CEP128: variants seen among roughly 807,000 people sequenced by gnomAD.
The protein encoded by CEP128 is centrosomal protein 128kDa.
A neutral mutation model predicts 156.7 loss-of-function variants in CEP128; 132 were observed. The observed-to-expected ratio is 0.84, with a 90% CI of 0.73 to 0.97. CEP128 has a LOEUF of 0.97. Among genes scored for constraint, CEP128 ranks in the 50% least tolerant of loss-of-function variants. The probability of loss-of-function intolerance (pLI) is 0.00; values close to 1 mark genes in which losing one functional copy is unlikely to be tolerated. For missense variants in CEP128, 1,252 were observed against 1,281.9 expected, an observed-to-expected ratio of 0.98 and a Z score of 0.36; for synonymous variants, 469 against 448.9, an observed-to-expected ratio of 1.04 and a Z score of -0.57.
At chr14:80,627,054 C>T (rs150668585) in intron 19 of CEP128, among the ~76,000 whole-genome samples, 9 of 152,218 alleles carry the variant, frequency 5.9e-5, no homozygotes, top group African/African-American at 2.2e-4. Flanking sequence ...CTTATTAGAC[C>T]CACAGCATAT....
chr14:80,870,427 A>G (rs531042004), intron 8 of CEP128, among the ~76,000 whole-genome samples: 2 of 152,130 alleles, frequency 1.3e-5, no homozygotes, highest in Non-Finnish European at 2.9e-5. Context: ...ATTTATCCCC[A>G]GAATACAAAG....
At chr14:80,768,612 C>T (rs1325832790) in intron 16 of CEP128, among the ~76,000 whole-genome samples, 2 of 152,116 alleles carry the variant, frequency 1.3e-5, no homozygotes, top group African/African-American at 4.8e-5. Flanking sequence ...CTTAGTAAAA[C>T]AATGGAGCTA....
chr14:80,815,940 A>G (rs1884828109), intron 13 of CEP128, among the ~76,000 whole-genome samples: 2 of 152,094 alleles, frequency 1.3e-5, no homozygotes. Context: ...AATAATAGAT[A>G]CTGGAGACCC....
chr14:80,660,036 G>C (rs1269731743), intron 19 of CEP128, among the ~76,000 whole-genome samples: 1 of 152,128 alleles, frequency 6.6e-6, no homozygotes, highest in Non-Finnish European at 1.5e-5. Context: ...TTGCAGATCT[G>C]ATGGCATGTG....
At chr14:80,628,136 C>A (rs1893809440) in intron 19 of CEP128, among the ~76,000 whole-genome samples, 1 of 152,128 alleles carries the variant, frequency 6.6e-6, no homozygotes, top group Non-Finnish European at 1.5e-5. Flanking sequence ...AAACTAACCT[C>A]CAAAGGGAAA....
At position 80,672,200 on chromosome 14, in the gene CEP128, G is replaced by C. The variant is rs531904423; in HGVS notation, c.2806+70875C>G. Among the ~76,000 whole-genome samples, 121 of 151,902 alleles carry C rather than the reference G, an allele frequency of 8.0e-4. 1 individual carries two copies. The highest frequency in any genetic ancestry group is 2.8e-3 in the African/African-American group (116 of 41,436). On this transcript the variant is annotated intron_variant, in intron 19 of 24. Transcript: ENST00000555265. The stretch of plus-strand genomic sequence containing the variant: ...ACAAATAAAAAAACTCAAGCAAGCT[G>C]GGCAAAAATATTTTTAGAAAGTCTT...
chr14:80,492,704 C>T (rs1887365275), downstream of CEP128, among the ~76,000 whole-genome samples: 1 of 152,018 alleles, frequency 6.6e-6, no homozygotes, highest in Non-Finnish European at 1.5e-5. Flanking sequence ...TTCACAAGTA[C>T]ACCAGACTCT....
intron 13 of CEP128, among the ~76,000 whole-genome samples, chr14:80,797,680 C>T (rs1883570316): frequency 6.6e-6 from 1 of 152,090 alleles, no homozygotes; most frequent in African/African-American, 2.4e-5. Context: ...GACTATACTA[C>T]AGAACCCTCA....
intron 23 of CEP128, among the ~76,000 whole-genome samples, chr14:80,523,281 C>A (rs769705913): frequency 1.3e-5 from 2 of 152,214 alleles, no homozygotes; most frequent in African/African-American, 4.8e-5. Flanking sequence ...CTCTCCCAAA[C>A]TGAGATGTGG....
At chr14:80,775,395 C>A (rs573252621) in intron 16 of CEP128, among the ~76,000 whole-genome samples, 1 of 152,206 alleles carries the variant, frequency 6.6e-6, no homozygotes, top group African/African-American at 2.4e-5. Flanking sequence ...CTAAGTTAAC[C>A]TAAAGTACAT....
intron 19 of CEP128, among the ~76,000 whole-genome samples, chr14:80,711,552 G>A (rs1268856240): frequency 2.6e-5 from 4 of 152,110 alleles, no homozygotes; most frequent in Non-Finnish European, 4.4e-5. Flanking sequence ...CTGGTTACCA[G>A]AGGCTGGAAA....
rs1190385977 is a variant in CEP128 at position 80,897,161 on chromosome 14, A to G, written c.573-1371T>C. On this transcript the variant is annotated intron_variant, in intron 7 of 24. Coordinates refer to ENST00000555265, the MANE Select transcript of CEP128 (RefSeq NM_152446.5). Reference sequence around the variant, plus strand: ...AGAATAATAAAAATGAGCAAACTGCAAGAACCTGACACAACACCCATAAAT... The same window carrying G: ...AGAATAATAAAAATGAGCAAACTGCGAGAACCTGACACAACACCCATAAAT... 5.3e-5 allele frequency among the ~76,000 whole-genome samples: 8 copies of G among 152,240 alleles called. No individual in the cohort carries two copies. The East Asian group carries it at 1.5e-3, about 29-fold the overall frequency.
intron 21 of CEP128, among the ~76,000 whole-genome samples, chr14:80,541,589 A>AT (rs928115703): frequency 6.6e-6 from 1 of 151,524 alleles, no homozygotes; most frequent in East Asian, 1.9e-4. Flanking sequence ...CTTGCTTTTC[A>AT]TTTTTTTCAC....
At chr14:80,774,072 A>G (rs1566906402) in intron 16 of CEP128, among the ~76,000 whole-genome samples, 1 of 152,222 alleles carries the variant, frequency 6.6e-6, no homozygotes, top group Non-Finnish European at 1.5e-5. Context: ...TTTTAATACC[A>G]TATATCACCA....
At chr14:80,715,400 C>G (rs1211169530) in intron 19 of CEP128, among the ~76,000 whole-genome samples, 13 of 152,092 alleles carry the variant, frequency 8.5e-5, no homozygotes, top group Admixed American at 8.5e-4. Context: ...CAAGTGTTTT[C>G]TCGAGCTCCT....
chr14:80,936,854 G>GA (rs1885834453), intron 2 of CEP128, among the ~76,000 whole-genome samples: 2 of 151,810 alleles, frequency 1.3e-5, no homozygotes, highest in Admixed American at 6.6e-5. Flanking sequence ...TTATACAGAT[G>GA]AAAAAACCTC....
intron 19 of CEP128, among the ~76,000 whole-genome samples, chr14:80,593,219 T>C (rs940892324): frequency 3.9e-5 from 6 of 152,110 alleles, no homozygotes; most frequent in African/African-American, 1.4e-4. Flanking sequence ...AAATTGTCTC[T>C]GTTTGCAGAT....
intron 19 of CEP128, among the ~76,000 whole-genome samples, chr14:80,657,059 AC>A (rs1895202222): frequency 6.6e-6 from 1 of 152,046 alleles, no homozygotes; most frequent in Admixed American, 6.6e-5. Flanking sequence ...GGTGTTCAAG[AC>A]CAGCCTGGCC....
Position 80,686,105 on chromosome 14 carries a change from G to T in CEP128, c.2806+56970C>A, listed in dbSNP as rs1036117207. Among the ~76,000 whole-genome samples, 3 of 151,882 alleles carry T rather than the reference G, an allele frequency of 2.0e-5. No homozygotes were observed. In the East Asian group the frequency reaches 5.8e-4, roughly 29 times the overall value. On this transcript the variant is annotated intron_variant, in intron 19 of 24. Coordinates refer to ENST00000555265, the MANE Select transcript of CEP128 (RefSeq NM_152446.5). The stretch of plus-strand genomic sequence containing the variant: ...ATTGCAACAAAAACAAAATTGATTG[G>T]GGACTAAATGAATTAACTTTTGTGC...
Sources: gnomAD v4.1 joint callset for allele counts (sites outside exome capture counted in the v4.1 genomes callset) on GRCh38, gnomAD v4.1.1 for gene constraint, MANE v1.5 for transcripts, NCBI Gene and HGNC (gene_info 2026-07-23, HGNC 2026-07-21) for gene names.